LDLRAD3: variants seen among roughly 807,000 people sequenced by gnomAD.
LDLRAD3 encodes low-density lipoprotein receptor class A domain-containing protein 3.
LDLRAD3 carries 20 observed loss-of-function variants against 29.4 expected under a neutral mutation model. That is an observed-to-expected ratio of 0.68 (90% confidence interval 0.48 to 0.99). The LOEUF is 0.99. Ranked by LOEUF, LDLRAD3 falls within the 50% of genes least tolerant of loss-of-function variation. The probability of loss-of-function intolerance (pLI) is 0.00; values close to 1 mark genes in which losing one functional copy is unlikely to be tolerated. For missense variants in LDLRAD3, 420 were observed against 454.3 expected (o/e 0.92, Z 0.69); for synonymous variants, 157 against 192.7 (o/e 0.81, Z 1.53).
intron 4 of LDLRAD3, among the ~76,000 whole-genome samples, chr11:36,158,073 CCTT>C (rs1339685814): frequency 6.6e-6 from 1 of 152,088 alleles, no homozygotes; most frequent in Non-Finnish European, 1.5e-5. Context: ...CATTCTATTC[CCTT>C]CTTTTCGTTT....
At chr11:36,101,210 GCCACCCCA>G (rs1853441945) in intron 4 of LDLRAD3, among the ~76,000 whole-genome samples, 2 of 152,132 alleles carry the variant, frequency 1.3e-5, no homozygotes, top group Admixed American at 6.5e-5. Context: ...GGGTATAACA[GCCACCCCA>G]CAAGGTGCCC....
In LDLRAD3 at chr11:36,132,717, T is replaced by C. The variant is rs577753984; in HGVS notation, c.454+34256T>C. Among the ~76,000 whole-genome samples, 61 of 152,362 alleles carry C rather than the reference T, an allele frequency of 4.0e-4. 1 individual carries two copies. Among genetic ancestry groups the C allele is most frequent in the Admixed American group, 1.1e-3 (17 of 15,310 alleles). On this transcript the variant is annotated intron_variant, in intron 4 of 5. Coordinates refer to ENST00000315571, the MANE Select transcript of LDLRAD3 (RefSeq NM_174902.4). ...ACTTTTGAGCGCCTTACAGTCCCGA[T>C]AGGAGAGGACCTTACATAGTGCTTG...
At position 36,080,790 on chromosome 11, in the gene LDLRAD3, CA is replaced by C. The variant is rs1853101294; in HGVS notation, c.194-861del. ...CCAGAGGAAACCAGGTTCAGGCTTCCAAGAGTCCTCTCCCAGTTGAGCCCAA... is the reference window on the plus strand; with the variant it reads ...CCAGAGGAAACCAGGTTCAGGCTTCCAGAGTCCTCTCCCAGTTGAGCCCAA... On this transcript the variant is annotated intron_variant, in intron 2 of 5. Coordinates refer to ENST00000315571, the MANE Select transcript of LDLRAD3 (RefSeq NM_174902.4). Among the ~76,000 whole-genome samples, 3 of 152,242 alleles carry C rather than the reference CA, an allele frequency of 2.0e-5. No individual in the cohort carries two copies. The South Asian group carries it at 6.2e-4, about 32-fold the overall frequency.
chr11:36,012,545 C>T (rs1258218890), intron 1 of LDLRAD3, among the ~76,000 whole-genome samples: 1 of 152,162 alleles, frequency 6.6e-6, no homozygotes, highest in Admixed American at 6.5e-5. Context: ...GAAACACAAA[C>T]ATTGCAAGAC....
intron 1 of LDLRAD3, among the ~76,000 whole-genome samples, chr11:35,951,425 G>A (rs1237023053): frequency 3.9e-5 from 6 of 152,136 alleles, no homozygotes; most frequent in African/African-American, 1.4e-4. Context: ...TCTGTCTCCT[G>A]TTGTTTAGAC....
At chr11:36,152,019 C>T (rs1231974850) in intron 4 of LDLRAD3, among the ~76,000 whole-genome samples, 4 of 150,272 alleles carry the variant, frequency 2.7e-5, no homozygotes, top group Non-Finnish European at 5.9e-5. Flanking sequence ...ACCAGCCCAT[C>T]CAACTCCCTT....
intron 1 of LDLRAD3, among the ~76,000 whole-genome samples, chr11:35,975,708 C>G (rs1158459375): frequency 6.6e-6 from 1 of 151,996 alleles, no homozygotes; most frequent in African/African-American, 2.4e-5. Context: ...ATCTTTGGTA[C>G]TGAGCTTTGT....
Position 36,159,602 on chromosome 11 carries a change from T to TAAAAAAAAAA in LDLRAD3, c.454+61156_454+61165dup, listed in dbSNP as rs66512652. ...AGTAAAACACCGTCTTTACAGAAAC[T>TAAAAAAAAAA]AAAAAAAAAAAAAAAAAAAAAAAAG... On this transcript the variant is annotated intron_variant, in intron 4 of 5. Coordinates refer to ENST00000315571, the MANE Select transcript of LDLRAD3 (RefSeq NM_174902.4). 1.9e-4 allele frequency among the ~76,000 whole-genome samples: 11 copies of TAAAAAAAAAA among 58,452 alleles called. 1 individual carries two copies. Among genetic ancestry groups the TAAAAAAAAAA allele is most frequent in the African/African-American group, 2.4e-4 (4 of 17,012 alleles). 38.3% of individuals were successfully genotyped at this position (58,452 alleles called of 152,430 possible).
intron 4 of LDLRAD3, among the ~76,000 whole-genome samples, chr11:36,186,020 T>C (rs1206021046): frequency 6.6e-6 from 1 of 152,042 alleles, no homozygotes; most frequent in Non-Finnish European, 1.5e-5. Flanking sequence ...AGACAGGAGG[T>C]GACACTTTAA....
chr11:36,065,775 G>T (rs1030431002), intron 2 of LDLRAD3, among the ~76,000 whole-genome samples: 3 of 152,128 alleles, frequency 2.0e-5, no homozygotes, highest in African/African-American at 7.2e-5. Flanking sequence ...TCACATTGTA[G>T]GCCTTTATAT....
chr11:36,049,508 T>G (rs1852498876), intron 2 of LDLRAD3, among the ~76,000 whole-genome samples: 1 of 152,190 alleles, frequency 6.6e-6, no homozygotes, highest in African/African-American at 2.4e-5. Flanking sequence ...TAGAGAATCT[T>G]TGAAGTCAAA....
intron 1 of LDLRAD3, among the ~76,000 whole-genome samples, chr11:35,965,620 A>T (rs1164955195): frequency 6.6e-6 from 1 of 152,148 alleles, no homozygotes; most frequent in Non-Finnish European, 1.5e-5. Context: ...AATGGGTAAA[A>T]AATTCTGGAG....
chr11:35,995,309 G>A (rs566670202), intron 1 of LDLRAD3, among the ~76,000 whole-genome samples: 1 of 152,354 alleles, frequency 6.6e-6, no homozygotes, highest in East Asian at 1.9e-4. Context: ...AACAGAGCTT[G>A]TGGGTAACCA....
Position 36,098,345 on chromosome 11 carries a change from G to C in LDLRAD3, c.338G>C (p.Cys113Ser). The change falls in exon 4 of 6, where the codon TGC (cysteine) becomes TCC (serine). Residue 113 changes from cysteine to serine, a missense_variant. Cys to Ser is a moderately radical substitution (Grantham distance 112). This residue lies in a region of LDLRAD3 where 224 missense variants were observed against 222.2 expected (regional missense o/e 1.01). Transcript: ENST00000315571. Reference sequence around the variant, plus strand: ...TCTGCAGCAGCAAACCCTCTGCTTTGCTCCACCGCCCGCTACCACTGCAAG... The same window carrying C: ...TCTGCAGCAGCAAACCCTCTGCTTTCCTCCACCGCCCGCTACCACTGCAAG... Reference protein sequence around the residue: ...EENCTANPLLCSTARYHCKNG... With the variant: ...EENCTANPLLSSTARYHCKNG... 6.2e-7 allele frequency: 1 copy of C among 1,614,080 alleles called. No homozygotes were observed. The highest frequency in any genetic ancestry group is 8.5e-7 in the Non-Finnish European group (1 of 1,180,016).
At chr11:36,188,200 C>A (rs562350350) in intron 4 of LDLRAD3, among the ~76,000 whole-genome samples, 1 of 151,938 alleles carries the variant, frequency 6.6e-6, no homozygotes, top group South Asian at 2.1e-4. Flanking sequence ...CCTGGGAAGT[C>A]CAGGTGCCTT....
At chr11:35,997,183 T>C in intron 1 of LDLRAD3, 1 of 278,984 alleles carries the variant, frequency 3.6e-6, no homozygotes, top group South Asian at 3.7e-5. Flanking sequence ...ATGTTTTCCT[T>C]TGTGCTTCTT....
chr11:36,015,103 A>G (rs749448818), intron 1 of LDLRAD3, among the ~76,000 whole-genome samples: 1 of 152,234 alleles, frequency 6.6e-6, no homozygotes, highest in Non-Finnish European at 1.5e-5. Flanking sequence ...ACTTTTCTGC[A>G]TGCATCCCAG....
At chr11:36,215,913 C>T (rs964772843) in intron 4 of LDLRAD3, among the ~76,000 whole-genome samples, 3 of 152,166 alleles carry the variant, frequency 2.0e-5, no homozygotes, top group Non-Finnish European at 2.9e-5. Context: ...GTGACAAACT[C>T]GCAGATCCCA....
At chr11:36,127,126 A>T (rs1853849939) in intron 4 of LDLRAD3, among the ~76,000 whole-genome samples, 1 of 152,224 alleles carries the variant, frequency 6.6e-6, no homozygotes, top group Non-Finnish European at 1.5e-5. Flanking sequence ...TCTTGTCAAC[A>T]CTTGATCTTG....
Sources: gnomAD v4.1 joint callset for allele counts (sites outside exome capture counted in the v4.1 genomes callset) on GRCh38, gnomAD v4.1.1 for gene constraint, gnomAD v4.1.1 regional missense constraint, MANE v1.5 for transcripts, NCBI Gene and HGNC (gene_info 2026-07-23, HGNC 2026-07-21) for gene names.